The following MCTP1 variants were observed in gnomAD, a reference collection of about 807,000 sequenced individuals.
MCTP1 encodes the protein multiple C2 and transmembrane domain containing 1, also known as multiple C2 and transmembrane domain-containing protein 1.
Under a neutral mutation model 120.6 loss-of-function variants are expected in MCTP1, and 69 were observed. The observed-to-expected ratio is 0.57, with a 90% confidence interval of 0.47 to 0.70. The LOEUF is 0.70. MCTP1 is among the 30% of genes least tolerant of loss of function. The pLI, the probability that MCTP1 is intolerant of heterozygous loss-of-function variation, is 0.00. For missense variants in MCTP1, 1,203 were observed against 1,248.8 expected (o/e 0.96, Z 0.55); for synonymous variants, 529 against 493.1 (o/e 1.07, Z -0.96).
chr5:94,813,444 AC>A (rs2153074147), intron 17 of MCTP1, among the ~76,000 whole-genome samples: 1 of 152,338 alleles, frequency 6.6e-6, no homozygotes, highest in African/African-American at 2.4e-5. Flanking sequence ...TACCACATTA[AC>A]CAATAATTCT....
intron 17 of MCTP1, among the ~76,000 whole-genome samples, chr5:94,838,216 C>G (rs1384112979): frequency 6.6e-6 from 1 of 152,238 alleles, no homozygotes; most frequent in Non-Finnish European, 1.5e-5. Context: ...ACTTACCCAG[C>G]ATCTTTCCTG....
intron 1 of MCTP1, among the ~76,000 whole-genome samples, chr5:95,226,341 C>T (rs1473838333): frequency 6.6e-6 from 1 of 152,108 alleles, no homozygotes; most frequent in Non-Finnish European, 1.5e-5. Flanking sequence ...AAGAGAACCT[C>T]CTCTTCTGAG....
chr5:94,986,802 C>T (rs1000399776), intron 2 of MCTP1, among the ~76,000 whole-genome samples: 15 of 152,034 alleles, frequency 9.9e-5, no homozygotes, highest in Non-Finnish European at 1.8e-4. Flanking sequence ...TGAGCCACCG[C>T]GTCGGGCCTA....
At chr5:94,763,134 C>T (rs570686078) in intron 19 of MCTP1, among the ~76,000 whole-genome samples, 9 of 152,200 alleles carry the variant, frequency 5.9e-5, no homozygotes, top group East Asian at 1.9e-4. Context: ...CTTTATTTCT[C>T]GCCAGAGCTA....
intron 11 of MCTP1, among the ~76,000 whole-genome samples, chr5:94,890,002 T>TTATTTC (rs1802223100): frequency 6.6e-6 from 1 of 152,102 alleles, no homozygotes; most frequent in African/African-American, 2.4e-5. Flanking sequence ...TTTTTAAAAT[T>TTATTTC]TATTTTTATT....
At chr5:94,713,108 A>T (rs1368488718) in intron 20 of MCTP1, among the ~76,000 whole-genome samples, 2 of 152,206 alleles carry the variant, frequency 1.3e-5, no homozygotes, top group Non-Finnish European at 2.9e-5. Context: ...ATTATTTAGT[A>T]ACAAGACATG....
chr5:95,011,786 T>G lies in MCTP1; in HGVS notation c.838+5581A>C, dbSNP rs115612135. ...AGTCTCAGGTAATTGTTTATAACAG[T>G]GTGAGAATGGACTAATACAACCATT... On this transcript the variant is annotated intron_variant, in intron 2 of 22. Transcript: ENST00000515393. Among the ~76,000 whole-genome samples the G allele has an allele frequency of 6.9e-3, 1,046 of 152,262 alleles. 12 individuals are homozygous for G. Among genetic ancestry groups the G allele is most frequent in the Non-Finnish European group, 0.011 (763 of 68,008 alleles).
chr5:94,989,858 C>G (rs1186231046), intron 2 of MCTP1, among the ~76,000 whole-genome samples: 1 of 152,168 alleles, frequency 6.6e-6, no homozygotes, highest in Non-Finnish European at 1.5e-5. Context: ...GTTTGGAGAG[C>G]TTCTGGGTTG....
chr5:95,198,781 T>C (rs1582504757), intron 1 of MCTP1, among the ~76,000 whole-genome samples: 1 of 152,100 alleles, frequency 6.6e-6, no homozygotes, highest in Non-Finnish European at 1.5e-5. Context: ...TTAATAACTA[T>C]TAAAAAAGGA....
intron 19 of MCTP1, among the ~76,000 whole-genome samples, chr5:94,765,210 C>T (rs1306242138): frequency 6.6e-6 from 1 of 151,614 alleles, no homozygotes; most frequent in African/African-American, 2.4e-5. Flanking sequence ...AAAATAGAAA[C>T]ACAACATGCC....
intron 1 of MCTP1, among the ~76,000 whole-genome samples, chr5:95,277,934 A>G (rs761021607): frequency 3.3e-5 from 5 of 152,140 alleles, no homozygotes; most frequent in Non-Finnish European, 7.4e-5. Context: ...TTACAAATAC[A>G]GTTTTCCATA....
intron 1 of MCTP1, among the ~76,000 whole-genome samples, chr5:95,237,467 G>T (rs1393879079): frequency 1.3e-5 from 2 of 152,176 alleles, no homozygotes; most frequent in African/African-American, 2.4e-5. Context: ...AACTGCTTCA[G>T]TTCCTCTAGG....
At chr5:94,733,962 T>TG (rs1763648669) in intron 19 of MCTP1, among the ~76,000 whole-genome samples, 4 of 130,164 alleles carry the variant, frequency 3.1e-5, no homozygotes, top group East Asian at 2.4e-4. Context: ...AGACTCTGTC[T>TG]GAAAAAAAAA....
In MCTP1 at chr5:95,127,528, T is replaced by C. The variant is rs536944474; in HGVS notation, c.721-110044A>G. ...CAGTCTTGGGCAACTTGGAAGAGCA[T>C]CTATTTGCCAAGGAGAGAGGAAGTA... On this transcript the variant is annotated intron_variant, in intron 1 of 22. Coordinates refer to ENST00000515393, the MANE Select transcript of MCTP1 (RefSeq NM_024717.7). Among the ~76,000 whole-genome samples, 7 of 152,118 alleles carry C rather than the reference T, an allele frequency of 4.6e-5. No individual in the cohort carries two copies. In the South Asian group the frequency reaches 1.5e-3, roughly 32 times the overall value.
chr5:95,250,508 TTA>T (rs1757280059), intron 1 of MCTP1, among the ~76,000 whole-genome samples: 1 of 152,170 alleles, frequency 6.6e-6, no homozygotes, highest in African/African-American at 2.4e-5. Flanking sequence ...GAGACGGTTT[TTA>T]TGTTTAGTAT....
At chr5:94,879,308 T>C (rs1227977609) in intron 12 of MCTP1, among the ~76,000 whole-genome samples, 2 of 152,120 alleles carry the variant, frequency 1.3e-5, no homozygotes, top group African/African-American at 2.4e-5. Flanking sequence ...AATAGCTATA[T>C]TTAAATGCAG....
intron 1 of MCTP1, among the ~76,000 whole-genome samples, chr5:95,129,285 A>C (rs1758857113): frequency 6.6e-6 from 1 of 152,222 alleles, no homozygotes; most frequent in African/African-American, 2.4e-5. Context: ...AAGTTTTATC[A>C]ATTTTGTCAA....
At chr5:95,271,102 C>CA in intron 1 of MCTP1, among the ~76,000 whole-genome samples, 1 of 152,254 alleles carries the variant, frequency 6.6e-6, no homozygotes, top group Admixed American at 6.5e-5. Flanking sequence ...ATCTGAAACT[C>CA]ACATCAGATA....
intron 1 of MCTP1, among the ~76,000 whole-genome samples, chr5:95,281,685 A>G (rs1760332671): frequency 6.6e-6 from 1 of 152,216 alleles, no homozygotes; most frequent in Non-Finnish European, 1.5e-5. Context: ...CGAAATGCTG[A>G]TTCTCTATAA....
Sources: allele counts gnomAD v4.1 joint callset (sites outside exome capture counted in the v4.1 genomes callset), GRCh38; gene constraint gnomAD v4.1.1; transcripts MANE v1.5; gene names NCBI Gene and HGNC (gene_info 2026-07-23, HGNC 2026-07-21).